The following MTMR7 variants were observed in gnomAD, a reference collection of about 807,000 sequenced individuals.
The protein encoded by MTMR7 is myotubularin related protein 7.
A neutral mutation model predicts 81.2 loss-of-function variants in MTMR7; 76 were observed. The ratio of observed to expected loss-of-function variants is 0.94; its 90% confidence interval spans 0.78 to 1.13. The LOEUF (loss-of-function observed/expected upper bound fraction) is 1.13, where lower values mean the gene tolerates loss of function less well. Ranked by LOEUF, MTMR7 falls within the 50% of genes most tolerant of loss-of-function variation. The pLI, the probability that MTMR7 is intolerant of heterozygous loss-of-function variation, is 0.00. For missense variants in MTMR7, 1,044 were observed against 820.0 expected, an observed-to-expected ratio of 1.27 and a Z score of -3.34; for synonymous variants, 372 against 289.8, an observed-to-expected ratio of 1.28 and a Z score of -2.88.
chr8:17,321,867 A>T (rs370951202), intron 7 of MTMR7, among the ~76,000 whole-genome samples: 4 of 152,180 alleles, frequency 2.6e-5, no homozygotes, highest in East Asian at 3.8e-4. Flanking sequence ...GTAAAAAAAT[A>T]AAAAAGCAAA....
At chr8:17,404,864 A>G (rs7840853) in intron 1 of MTMR7, among the ~76,000 whole-genome samples, 91,015 of 152,036 alleles carry the variant, frequency 0.6, 27,617 homozygotes, top group East Asian at 0.76. Context: ...CTTGCTCTGT[A>G]GCCCAAGCTG....
At chr8:17,380,958 A>T (rs567121239) in intron 1 of MTMR7, among the ~76,000 whole-genome samples, 1 of 152,192 alleles carries the variant, frequency 6.6e-6, no homozygotes, top group African/African-American at 2.4e-5. Flanking sequence ...CAAGAGCCCA[A>T]AGATTGACAC....
intron 1 of MTMR7, among the ~76,000 whole-genome samples, chr8:17,407,609 G>A (rs1292741912): frequency 6.7e-6 from 1 of 148,592 alleles, no homozygotes; most frequent in Admixed American, 6.7e-5. Context: ...AAAAAAAAAA[G>A]CCCCACATAA....
chr8:17,398,063 G>A (rs377650749), intron 1 of MTMR7, among the ~76,000 whole-genome samples: 1 of 152,198 alleles, frequency 6.6e-6, no homozygotes, highest in African/African-American at 2.4e-5. Flanking sequence ...ATACCTGGAA[G>A]GTTCCAATAA....
intron 1 of MTMR7, among the ~76,000 whole-genome samples, chr8:17,375,008 A>C (rs112935863): frequency 2.0e-5 from 3 of 152,108 alleles, no homozygotes; most frequent in African/African-American, 7.2e-5. Flanking sequence ...ATAACTGCTT[A>C]CAACTGGAAG....
At chr8:17,369,920 C>T (rs1820360452) in intron 3 of MTMR7, among the ~76,000 whole-genome samples, 1 of 152,060 alleles carries the variant, frequency 6.6e-6, no homozygotes, top group African/African-American at 2.4e-5. Context: ...GCTGGGATTA[C>T]AGATGTGAGC....
At chr8:17,403,805 T>A (rs999044977) in intron 1 of MTMR7, among the ~76,000 whole-genome samples, 1 of 151,928 alleles carries the variant, frequency 6.6e-6, no homozygotes, top group African/African-American at 2.4e-5. Flanking sequence ...TTAAATTGTT[T>A]CCTAGGTATT....
chr8:17,356,988 T>C (rs1356572847), intron 4 of MTMR7, among the ~76,000 whole-genome samples: 1 of 152,046 alleles, frequency 6.6e-6, no homozygotes, highest in African/African-American at 2.4e-5. Context: ...TACTCCTAAG[T>C]AGAAACACAA....
In MTMR7 at chr8:17,298,524, G is replaced by A. The variant is rs563313007; in HGVS notation, c.*1338C>T. ...TTCTTGCCCTCGTCCTCATTTCAGC[G>A]AAATGTAATAATTCTCCCATTAAAA... On this transcript the variant is annotated 3_prime_UTR_variant, in exon 14 of 14. Transcript: ENST00000180173. The A allele has an allele frequency of 5.9e-5, 9 of 152,084 alleles. No homozygotes were observed. The highest frequency in any genetic ancestry group is 2.1e-4 in the South Asian group (1 of 4,802). 9.4% of individuals were successfully genotyped at this position (152,084 alleles called of 1,614,324 possible).
chr8:17,368,793 T>C (rs17687947), intron 3 of MTMR7, among the ~76,000 whole-genome samples: 11,542 of 152,296 alleles, frequency 0.076, 804 homozygotes, highest in East Asian at 0.33. Context: ...AAAATGCTGG[T>C]GATTCTTTTT....
intron 1 of MTMR7, among the ~76,000 whole-genome samples, chr8:17,409,352 C>T (rs1021486688): frequency 5.9e-5 from 9 of 151,934 alleles, no homozygotes; most frequent in African/African-American, 1.7e-4. Context: ...CCCAGCTACT[C>T]GGGAGGCTGA....
chr8:17,327,889 C>A (rs781007777), intron 7 of MTMR7, among the ~76,000 whole-genome samples: 58 of 152,296 alleles, frequency 3.8e-4, no homozygotes, highest in Non-Finnish European at 6.9e-4. Context: ...AAAAATTATG[C>A]TTTTTCATCT....
intron 13 of MTMR7, 175 bp downstream of exon 13, chr8:17,301,978 CT>C: frequency 1.4e-6 from 1 of 729,140 alleles, no homozygotes; most frequent in Non-Finnish European, 2.1e-6. Context: ...CATTAAATGC[CT>C]AGGTTTGGGC....
intron 1 of MTMR7, among the ~76,000 whole-genome samples, chr8:17,375,439 G>A (rs1458449776): frequency 1.3e-5 from 2 of 151,548 alleles, no homozygotes; most frequent in Non-Finnish European, 2.9e-5. Context: ...GTATGTTAAA[G>A]GCATACATTC....
intron 1 of MTMR7, among the ~76,000 whole-genome samples, chr8:17,381,686 C>T (rs572932587): frequency 5.8e-4 from 88 of 152,154 alleles, no homozygotes; most frequent in Non-Finnish European, 1.1e-3. Context: ...TGTCAGTCAT[C>T]TGGGGGAAGA....
At chr8:17,382,467 T>C (rs1157175823) in intron 1 of MTMR7, among the ~76,000 whole-genome samples, 1 of 152,256 alleles carries the variant, frequency 6.6e-6, no homozygotes, top group Non-Finnish European at 1.5e-5. Context: ...CATAATTAAG[T>C]ATCATTTGGA....
At chr8:17,319,708 G>A (rs987535894) in intron 7 of MTMR7, among the ~76,000 whole-genome samples, 2 of 152,146 alleles carry the variant, frequency 1.3e-5, no homozygotes, top group African/African-American at 4.8e-5. Context: ...GCAAACAGAG[G>A]CTAAGTGCTT....
At chr8:17,307,492 T>C (rs1299210481) in intron 10 of MTMR7, among the ~76,000 whole-genome samples, 1 of 152,210 alleles carries the variant, frequency 6.6e-6, no homozygotes, top group East Asian at 1.9e-4. Flanking sequence ...TCCTCAGGGA[T>C]CTAGAACTAG....
intron 1 of MTMR7, among the ~76,000 whole-genome samples, chr8:17,375,487 T>TC (rs1820558639): frequency 6.6e-6 from 1 of 151,902 alleles, no homozygotes. Flanking sequence ...TATGTTTTTT[T>TC]TTTTTTTTTA....
Sources: allele counts gnomAD v4.1 joint callset (sites outside exome capture counted in the v4.1 genomes callset), GRCh38; gene constraint gnomAD v4.1.1; transcripts MANE v1.5; gene names NCBI Gene and HGNC (gene_info 2026-07-23, HGNC 2026-07-21).